Variants in HMX1 observed in about 807,000 individuals in gnomAD.
HMX1 encodes the protein homeobox protein HMX1.
A neutral mutation model predicts 8.9 loss-of-function variants in HMX1; 8 were observed. The ratio of observed to expected loss-of-function variants is 0.90; its 90% CI spans 0.53 to 1.63. HMX1 has a LOEUF of 1.63. Ranked by LOEUF, HMX1 falls within the 40% of genes most tolerant of loss-of-function variation. The pLI, the probability that HMX1 is intolerant of heterozygous loss-of-function variation, is 0.00. For missense variants in HMX1, 621 were observed against 558.5 expected, an observed-to-expected ratio of 1.11 and a Z score of -1.13; for synonymous variants, 311 against 283.4, an observed-to-expected ratio of 1.10 and a Z score of -0.98.
intron 1 of HMX1, among the ~76,000 whole-genome samples, chr4:8,869,199 C>G (rs909840096): frequency 6.6e-6 from 1 of 152,172 alleles, no homozygotes; most frequent in Non-Finnish European, 1.5e-5. Context: ...AGTTCATGTT[C>G]CAAGTACCAA....
At chr4:8,859,707 G>A (rs967283137) in intron 1 of HMX1, among the ~76,000 whole-genome samples, 1 of 152,196 alleles carries the variant, frequency 6.6e-6, no homozygotes, top group Non-Finnish European at 1.5e-5. Context: ...ACACGTGCGT[G>A]GTCTATGTGA....
At chr4:8,865,834 C>T (rs1227598383), downstream of HMX1, among the ~76,000 whole-genome samples, 1 of 152,192 alleles carries the variant, frequency 6.6e-6, no homozygotes, top group East Asian at 1.9e-4. Flanking sequence ...CTGGTTTAGC[C>T]AGGAAAGCAG....
Position 8,867,703 on chromosome 4 carries a change from C to G in HMX1, c.1037G>C (p.Gly346Ala). The change falls in exon 2 of 2, where the codon GGC becomes GCC. Residue 346 changes from glycine to alanine, a missense_variant. Coordinates refer to ENST00000400677, the MANE Select transcript of HMX1 (RefSeq NM_018942.3). ...SVPFLRAQMP[G>A]LV ...CCCGGCAGGCGGGGCTCACACCAGG[C>G]CAGGCATCTGCGCCCGCAGAAAGGG... 1 of 1,272,376 alleles carries G rather than the reference C, an allele frequency of 7.9e-7. No individual in the cohort carries two copies. Among genetic ancestry groups the G allele is most frequent in the Non-Finnish European group, 9.9e-7 (1 of 1,013,698 alleles). The allele number at this position is 1,272,376 out of a possible 1,614,324, so 78.8% of individuals were successfully genotyped here. A position where few individuals can be genotyped will look rare whatever the true frequency, so the allele number is the denominator to read the frequency against.
In HMX1 at chr4:8,870,944, C is replaced by A. The variant is rs1056281837; in HGVS notation, c.394+277G>T. ...CTTTTTTCTTTGGCCTCCTGTTGTC[C>A]CCTGTCCCCAGCCTCCCTGGGACCG... On this transcript the variant is annotated intron_variant, in intron 1 of 1. Coordinates refer to ENST00000400677, the MANE Select transcript of HMX1 (RefSeq NM_018942.3). This position sits in a 1 kb window ranked among gnomAD's most constrained non-coding sequence, Gnocchi z 4.4. Among the ~76,000 whole-genome samples the A allele has an allele frequency of 6.6e-6, 1 of 152,200 alleles. No homozygotes were observed. Among genetic ancestry groups the A allele is most frequent in the South Asian group, 2.1e-4 (1 of 4,828 alleles).
chr4:8,868,893 C>T lies in HMX1; in HGVS notation c.395-548G>A, dbSNP rs1577201056. 6.6e-6 allele frequency among the ~76,000 whole-genome samples: 1 copy of T among 152,158 alleles called. No individual in the cohort carries two copies. The highest frequency in any genetic ancestry group is 1.9e-4 in the East Asian group (1 of 5,184). ...AAGAGTTCACAGGCCTCTTCCCGCGCCCTCTGCCCGCTTGCACAGAAACAT... is the reference window on the plus strand; with the variant it reads ...AAGAGTTCACAGGCCTCTTCCCGCGTCCTCTGCCCGCTTGCACAGAAACAT... On this transcript the variant is annotated intron_variant, in intron 1 of 1. Transcript: ENST00000400677. This position sits in a 1 kb window ranked among gnomAD's most constrained non-coding sequence, Gnocchi z 4.6.
chr4:8,871,527 T>TGGCCTC lies in HMX1; in HGVS notation c.82_87dup (p.Glu28_Ala29dup). The stretch of plus-strand genomic sequence containing the variant: ...CCCTGGGTCGCGCGCCCTGCGCCCT[T>TGGCCTC]GGCCTCGGCCGCCAGCAGGTTCTCG... On this transcript the variant is annotated inframe_insertion, in exon 1 of 2. Transcript: ENST00000400677. The surrounding 1 kb of genome is among the most constrained non-coding windows in gnomAD (Gnocchi z 4.8). 7.4e-7 allele frequency: 1 copy of TGGCCTC among 1,352,782 alleles called. No homozygotes were observed. The allele number at this position is 1,352,782 out of a possible 1,614,324, so 83.8% of individuals were successfully genotyped here.
Position 8,853,676 on chromosome 4 carries a change from ACC to A in HMX1, c.395-7354_395-7353del, listed in dbSNP as rs909932096. Among the ~76,000 whole-genome samples the A allele has an allele frequency of 2.0e-5, 3 of 151,868 alleles. No individual in the cohort carries two copies. Among genetic ancestry groups the A allele is most frequent in the African/African-American group, 7.3e-5 (3 of 41,286 alleles). The stretch of plus-strand genomic sequence containing the variant: ...AGACCAGCCTGACCAATATGATGAA[ACC>A]CCGTCTCTACTAAAAATACAGAAAT... On this transcript the variant is annotated intron_variant, in intron 1 of 1. Coordinates refer to the HMX1 transcript ENST00000506970. The surrounding 1 kb of genome is among the most constrained non-coding windows in gnomAD (Gnocchi z 4.7).
chr4:8,862,829 T>A (rs1249529054), downstream of HMX1, among the ~76,000 whole-genome samples: 1 of 152,142 alleles, frequency 6.6e-6, no homozygotes, highest in Non-Finnish European at 1.5e-5. Context: ...TGAGGCTGGC[T>A]CTTCGACCAC....
rs1412313046 is a variant in HMX1, at chr4:8,868,246, G to A, written c.494C>T (p.Ala165Val). ...PGPGAVQREA[A>V]ELAARGPAAG... is the part of the protein sequence containing the mutation. ...CGCCGGGCCACGCGCCGCCAGCTCC[G>A]CTGCCTCCCGCTGCACCGCTCCCGG... is the stretch of plus-strand genomic sequence containing the variant. The change falls in exon 2 of 2, where the codon GCG becomes GTG. Residue 165 changes from alanine to valine, a missense_variant. Physicochemically the swap from Ala to Val is moderately conservative, Grantham distance 64 (BLOSUM62 0). Transcript: ENST00000400677. This position sits in a 1 kb window ranked among gnomAD's most constrained non-coding sequence, Gnocchi z 4.6. 9.8e-6 allele frequency: 14 copies of A among 1,434,604 alleles called. No individual in the cohort carries two copies. The highest frequency in any genetic ancestry group is 1.1e-5 in the Non-Finnish European group (12 of 1,100,238). The allele number at this position is 1,434,604 out of a possible 1,614,324, so 88.9% of individuals were successfully genotyped here. A position where few individuals can be genotyped will look rare whatever the true frequency, so the allele number is the denominator to read the frequency against.
At chr4:8,866,422 A>T (rs1212307015), downstream of HMX1, among the ~76,000 whole-genome samples, 1 of 152,152 alleles carries the variant, frequency 6.6e-6, no homozygotes, top group Non-Finnish European at 1.5e-5. Flanking sequence ...CACACCAAAT[A>T]CTGTCCCTCC....
In HMX1 at chr4:8,871,572, G is replaced by A. The variant is rs1722226691; in HGVS notation, c.43C>T (p.Arg15Cys). The change falls in exon 1 of 2, where the codon CGC becomes TGC. Residue 15 changes from arginine (R) to cysteine (C), a missense_variant. By Grantham distance (180) the Arg-to-Cys change is radical (BLOSUM62 -3). Transcript: ENST00000400677. This position sits in a 1 kb window ranked among gnomAD's most constrained non-coding sequence, Gnocchi z 4.8. ...TTCTCGATGAGGAAGGAGGAGGCGC[G>A]GGCCGGCGTGGCGCGCCCGGGCTCC... ...LTEPGRATPA[R>C]ASSFLIENLL... 7.4e-7 allele frequency: 1 copy of A among 1,351,388 alleles called. No individual in the cohort carries two copies. Among genetic ancestry groups the A allele is most frequent in the Non-Finnish European group, 9.5e-7 (1 of 1,048,652 alleles). 83.7% of individuals were successfully genotyped at this position (1,351,388 alleles called of 1,614,324 possible). A position where few individuals can be genotyped will look rare whatever the true frequency, so the allele number is the denominator to read the frequency against.
Position 8,867,328 on chromosome 4 carries a change from G to A in HMX1, c.*365C>T. On this transcript the variant is annotated 3_prime_UTR_variant, in exon 2 of 2. Coordinates refer to ENST00000400677, the MANE Select transcript of HMX1 (RefSeq NM_018942.3). ...CTCAGCCTTGGACAGCCGGTTCGTA[G>A]TTTTCCTTTGTTGCGCTGGGCTTGG... is the stretch of plus-strand genomic sequence containing the variant. The A allele has an allele frequency of 1.3e-5, 13 of 999,730 alleles. No individual in the cohort carries two copies. The highest frequency in any genetic ancestry group is 1.5e-5 in the Non-Finnish European group (13 of 839,704). The allele number at this position is 999,730 out of a possible 1,614,324, so 61.9% of individuals were successfully genotyped here.
chr4:8,864,845 A>G (rs749862653), downstream of HMX1, among the ~76,000 whole-genome samples: 2 of 152,164 alleles, frequency 1.3e-5, no homozygotes, highest in Non-Finnish European at 2.9e-5. Flanking sequence ...CCTTCCCACC[A>G]GGGCAAGCCC....
At position 8,871,503 on chromosome 4, in the gene HMX1, C is replaced by A; in HGVS notation, c.112G>T (p.Gly38Cys). 1 of 1,344,184 alleles carries A rather than the reference C, an allele frequency of 7.4e-7. No individual in the cohort carries two copies. The highest frequency in any genetic ancestry group is 9.5e-7 in the Non-Finnish European group (1 of 1,047,482). 83.3% of individuals were successfully genotyped at this position (1,344,184 alleles called of 1,614,324 possible). The change falls in exon 1 of 2, where the codon GGC becomes TGC. Residue 38 changes from glycine (G) to cysteine (C), a missense_variant. Gly to Cys is a radical substitution (Grantham distance 159). Transcript: ENST00000400677. This position sits in a 1 kb window ranked among gnomAD's most constrained non-coding sequence, Gnocchi z 4.8. ...TCCTCGTCCTCCCGGCTGCCGTCGC[C>A]CTGGGTCGCGCGCCCTGCGCCCTTG... ...EAKGAGRATQ[G>C]DGSREDEEED...
Position 8,871,203 on chromosome 4 carries a change from C to A in HMX1, c.394+18G>T. On this transcript the variant is annotated intron_variant, in intron 1 of 1. Transcript: ENST00000400677. This position sits in a 1 kb window ranked among gnomAD's most constrained non-coding sequence, Gnocchi z 4.8. ...CGGGCCCCACCGCCTGACCCACCCT[C>A]CCCGCGCCCTCACTCACTGTCAGGA... 1 of 1,414,972 alleles carries A rather than the reference C, an allele frequency of 7.1e-7. No individual in the cohort carries two copies. Among genetic ancestry groups the A allele is most frequent in the Non-Finnish European group, 9.2e-7 (1 of 1,092,200 alleles). The allele number at this position is 1,414,972 out of a possible 1,614,324, so 87.7% of individuals were successfully genotyped here.
At chr4:8,857,136 G>C (rs1481478502) in intron 1 of HMX1, among the ~76,000 whole-genome samples, 1 of 152,212 alleles carries the variant, frequency 6.6e-6, no homozygotes, top group African/African-American at 2.4e-5. Flanking sequence ...GATGCCTTTT[G>C]TTTTCAGTGC....
chr4:8,867,783 G>A lies in HMX1; in HGVS notation c.957C>T (p.Gly319=), dbSNP rs1577200344. The A allele has an allele frequency of 7.9e-7, 1 of 1,262,348 alleles. No individual in the cohort carries two copies. The highest frequency in any genetic ancestry group is 9.9e-7 in the Non-Finnish European group (1 of 1,008,502). The allele number at this position is 1,262,348 out of a possible 1,614,324, so 78.2% of individuals were successfully genotyped here. Residue 319 remains glycine, a synonymous_variant, in exon 2 of 2, where the codon GGC becomes GGT. Coordinates refer to ENST00000400677, the MANE Select transcript of HMX1 (RefSeq NM_018942.3). ...GCGGGTAGGCGAGGGCCCCGGAGAAGCCGAGCAGCGGTGGGGGCGGCGCGG... is the reference window on the plus strand; with the variant it reads ...GCGGGTAGGCGAGGGCCCCGGAGAAACCGAGCAGCGGTGGGGGCGGCGCGG... ...AAPAPPPPLL[G]FSGALAYPLA... is the part of the protein sequence containing the mutation.
chr4:8,855,819 C>A (rs1441210904), intron 1 of HMX1, among the ~76,000 whole-genome samples: 2 of 152,138 alleles, frequency 1.3e-5, no homozygotes, highest in African/African-American at 4.8e-5. Flanking sequence ...GCCAATCTGC[C>A]TGCTGACCTG....
intron 1 of HMX1, among the ~76,000 whole-genome samples, chr4:8,861,273 C>T (rs887330005): frequency 6.6e-6 from 1 of 152,076 alleles, no homozygotes; most frequent in African/African-American, 2.4e-5. Context: ...AGCTGCGGCA[C>T]CGACTTCCCA....
Sources: gnomAD v4.1 joint callset for allele counts (sites outside exome capture counted in the v4.1 genomes callset) on GRCh38, gnomAD v4.1.1 for gene constraint, Gnocchi (gnomAD v3.1) non-coding constraint, MANE v1.5 for transcripts, NCBI Gene and HGNC (gene_info 2026-07-23, HGNC 2026-07-21) for gene names.